The following CNTN4 variants were observed in gnomAD, a reference collection of about 807,000 sequenced individuals.
CNTN4 encodes the protein contactin-4.
In CNTN4, 77 loss-of-function variants were observed where a neutral mutation model predicts 122.5. The ratio of observed to expected loss-of-function variants is 0.63; its 90% CI spans 0.52 to 0.76. The LOEUF is 0.76. CNTN4 is among the 30% of genes least tolerant of loss of function. The pLI is 0.00. For synonymous variants in CNTN4, 512 were observed against 447.0 expected (o/e 1.15, Z -1.83); for missense variants, 1,256 against 1,259.1 (o/e 1.00, Z 0.04).
chr3:2,586,395 C>T (rs543426788), intron 4 of CNTN4, among the ~76,000 whole-genome samples: 4 of 152,312 alleles, frequency 2.6e-5, no homozygotes, highest in African/African-American at 9.6e-5. Flanking sequence ...CACGTTCAAG[C>T]GATTCTCCTG....
At chr3:2,943,027 AG>A (rs1384336582) in intron 13 of CNTN4, among the ~76,000 whole-genome samples, 1 of 152,184 alleles carries the variant, frequency 6.6e-6, no homozygotes, top group East Asian at 1.9e-4. Context: ...TTGCTGGCAA[AG>A]AATAGGGAGT....
At chr3:2,745,373 G>C in intron 5 of CNTN4, 149 bp from the exon 6 acceptor site, 1 of 680,676 alleles carries the variant, frequency 1.5e-6, no homozygotes, top group Non-Finnish European at 2.6e-6. Context: ...CACCATTGCT[G>C]GGTAGAGCAT....
chr3:2,745,002 A>C (rs949847125), intron 5 of CNTN4, among the ~76,000 whole-genome samples: 1 of 152,232 alleles, frequency 6.6e-6, no homozygotes, highest in Admixed American at 6.5e-5. Flanking sequence ...TCCCCACAGC[A>C]GCTCAAGATC....
chr3:2,518,707 G>A (rs1239603775), intron 3 of CNTN4, among the ~76,000 whole-genome samples: 1 of 152,040 alleles, frequency 6.6e-6, no homozygotes, highest in Non-Finnish European at 1.5e-5. Flanking sequence ...ATGGCTAAAT[G>A]GATAAACCTA....
intron 13 of CNTN4, among the ~76,000 whole-genome samples, chr3:2,981,397 T>TTG (rs1559748876): frequency 1.9e-4 from 29 of 151,980 alleles, no homozygotes; most frequent in Admixed American, 1.6e-3. Flanking sequence ...TGAGCCGAGA[T>TTG]CGCAGCACTG....
chr3:2,671,563 A>G (rs533239881), intron 4 of CNTN4, among the ~76,000 whole-genome samples: 50 of 152,082 alleles, frequency 3.3e-4, no homozygotes, highest in African/African-American at 1.1e-3. Context: ...AAGAAGTTTG[A>G]TCATCTGAAG....
At chr3:3,029,552 A>G (rs1698998322) in intron 15 of CNTN4, among the ~76,000 whole-genome samples, 1 of 152,190 alleles carries the variant, frequency 6.6e-6, no homozygotes, top group Admixed American at 6.5e-5. Flanking sequence ...TATCTCTTCC[A>G]TTATCCTGTG....
chr3:2,191,339 A>G (rs2037535098), intron 2 of CNTN4, among the ~76,000 whole-genome samples: 1 of 152,100 alleles, frequency 6.6e-6, no homozygotes. Context: ...TATTTTCACA[A>G]GGAAACCATT....
chr3:2,282,591 C>A (rs747545649), intron 2 of CNTN4, among the ~76,000 whole-genome samples: 1 of 152,074 alleles, frequency 6.6e-6, no homozygotes, highest in Non-Finnish European at 1.5e-5. Flanking sequence ...CAAAACTATT[C>A]CACTGTCTTT....
intron 4 of CNTN4, among the ~76,000 whole-genome samples, chr3:2,642,120 A>G (rs1482362428): frequency 6.6e-6 from 1 of 152,240 alleles, no homozygotes; most frequent in Non-Finnish European, 1.5e-5. Flanking sequence ...CAAGGAAGCC[A>G]GTCCAAATCC....
intron 13 of CNTN4, among the ~76,000 whole-genome samples, chr3:2,928,175 T>C (rs1382188721): frequency 6.6e-6 from 1 of 152,226 alleles, no homozygotes; most frequent in Admixed American, 6.5e-5. Flanking sequence ...ATTTTTTAAA[T>C]GTCAGCAACT....
Position 3,034,786 on chromosome 3 carries a change from T to C in CNTN4, c.1938T>C (p.Ser646=). Residue 646 remains serine, a synonymous_variant, in exon 17 of 25, where the codon AGT becomes AGC. Transcript: ENST00000418658. ...TCTCCGTGGGCTGGCAAGCAGTCAGTACAGGTACCATATTGGATGCTTGGC... is the reference window on the plus strand; with the variant it reads ...TCTCCGTGGGCTGGCAAGCAGTCAGCACAGGTACCATATTGGATGCTTGGC... ...TPFSVGWQAV[S]TVPELIDGKT... is the part of the protein sequence containing the mutation. 3.1e-6 allele frequency: 5 copies of C among 1,614,040 alleles called. No homozygotes were observed. The highest frequency in any genetic ancestry group is 4.2e-6 in the Non-Finnish European group (5 of 1,179,952).
At chr3:2,279,295 G>A (rs922778354) in intron 2 of CNTN4, among the ~76,000 whole-genome samples, 1 of 152,150 alleles carries the variant, frequency 6.6e-6, no homozygotes, top group Non-Finnish European at 1.5e-5. Context: ...ACACTGGAGA[G>A]ATCCTACTAT....
chr3:2,969,528 T>TATGATTATTATTATG (rs891735035), intron 13 of CNTN4, among the ~76,000 whole-genome samples: 3 of 132,580 alleles, frequency 2.3e-5, no homozygotes, highest in African/African-American at 1.2e-4. Flanking sequence ...TTATTATTAT[T>TATGATTATTATTATG]ATTATTATTA....
chr3:2,819,160 G>C (rs1170900465), intron 6 of CNTN4, among the ~76,000 whole-genome samples: 1 of 152,212 alleles, frequency 6.6e-6, no homozygotes, highest in Non-Finnish European at 1.5e-5. Flanking sequence ...GCTGGCCAAG[G>C]TGATAATCAC....
At chr3:2,677,352 G>A (rs940254334) in intron 4 of CNTN4, among the ~76,000 whole-genome samples, 1 of 148,782 alleles carries the variant, frequency 6.7e-6, no homozygotes, top group East Asian at 2.0e-4. Context: ...GTGGTGGGGG[G>A]CACAGAGTCT....
At chr3:2,814,752 T>A (rs1433143792) in intron 6 of CNTN4, among the ~76,000 whole-genome samples, 1 of 152,154 alleles carries the variant, frequency 6.6e-6, no homozygotes, top group Non-Finnish European at 1.5e-5. Context: ...AGACAAAACA[T>A]GAGTTTGTAT....
intron 2 of CNTN4, among the ~76,000 whole-genome samples, chr3:2,252,876 T>C (rs1244960664): frequency 1.3e-5 from 2 of 152,134 alleles, no homozygotes; most frequent in African/African-American, 2.4e-5. Flanking sequence ...ACTTCTTTGC[T>C]TTTTGGTACG....
chr3:2,215,357 C>T (rs1225584921), intron 2 of CNTN4, among the ~76,000 whole-genome samples: 1 of 152,102 alleles, frequency 6.6e-6, no homozygotes, highest in Non-Finnish European at 1.5e-5. Flanking sequence ...CTGACTGCAC[C>T]ATGATGTATT....
Sources: allele counts gnomAD v4.1 joint callset (sites outside exome capture counted in the v4.1 genomes callset), GRCh38; gene constraint gnomAD v4.1.1; transcripts MANE v1.5; gene names NCBI Gene and HGNC (gene_info 2026-07-23, HGNC 2026-07-21).